LSAMP: variants seen among roughly 807,000 people sequenced by gnomAD.
LSAMP encodes the protein limbic system-associated membrane protein.
A neutral mutation model predicts 38.6 loss-of-function variants in LSAMP; 7 were observed. That is an observed-to-expected ratio of 0.18 (90% confidence interval 0.10 to 0.34). The LOEUF is 0.34. Among genes scored for constraint, LSAMP ranks in the 10% least tolerant of loss-of-function variants. The probability of loss-of-function intolerance (pLI) is 1.00; values close to 1 mark genes in which losing one functional copy is unlikely to be tolerated. For synonymous variants in LSAMP, 154 were observed against 166.8 expected, an observed-to-expected ratio of 0.92 and a Z score of 0.59; for missense variants, 313 against 420.0, an observed-to-expected ratio of 0.75 and a Z score of 2.23.
At chr3:115,872,949 T>C (rs1936085288) in intron 3 of LSAMP, among the ~76,000 whole-genome samples, 1 of 152,172 alleles carries the variant, frequency 6.6e-6, no homozygotes, top group South Asian at 2.1e-4. Flanking sequence ...AACATATGTA[T>C]GAAACATATA....
At chr3:115,927,652 C>T (rs781105924) in intron 3 of LSAMP, among the ~76,000 whole-genome samples, 7 of 152,220 alleles carry the variant, frequency 4.6e-5, no homozygotes, top group Non-Finnish European at 7.3e-5. Flanking sequence ...CACTCTGCTT[C>T]GGCCACATTG....
At chr3:116,260,745 G>T (rs924228323) in intron 1 of LSAMP, among the ~76,000 whole-genome samples, 2 of 152,260 alleles carry the variant, frequency 1.3e-5, no homozygotes, top group African/African-American at 2.4e-5. Context: ...CTCAACCTAC[G>T]TGAGGCTTAG....
chr3:116,225,874 A>G (rs761457955), intron 1 of LSAMP, among the ~76,000 whole-genome samples: 14 of 152,180 alleles, frequency 9.2e-5, no homozygotes, highest in Non-Finnish European at 1.9e-4. Flanking sequence ...TTGCAAATAA[A>G]TAAACAATCT....
At chr3:115,915,803 T>C (rs565908109) in intron 3 of LSAMP, among the ~76,000 whole-genome samples, 1 of 152,212 alleles carries the variant, frequency 6.6e-6, no homozygotes, top group Admixed American at 6.5e-5. Context: ...CGGCTAATTT[T>C]TGTATTTCTA....
At chr3:115,811,980 C>T (rs947018966) in intron 6 of LSAMP, among the ~76,000 whole-genome samples, 14 of 152,132 alleles carry the variant, frequency 9.2e-5, no homozygotes, top group African/African-American at 2.7e-4. Flanking sequence ...AGAGTCTTTG[C>T]CTGTAAGTAC....
intron 3 of LSAMP, among the ~76,000 whole-genome samples, chr3:116,004,375 A>G (rs1315344002): frequency 6.6e-6 from 1 of 151,880 alleles, no homozygotes; most frequent in Admixed American, 6.6e-5. Flanking sequence ...TATCAAGTTC[A>G]TACAAATAAT....
At chr3:116,203,364 C>A (rs545915837) in intron 1 of LSAMP, among the ~76,000 whole-genome samples, 109 of 148,076 alleles carry the variant, frequency 7.4e-4, no homozygotes, top group African/African-American at 2.5e-3. Flanking sequence ...ATTTTTTATA[C>A]GTACATTTTC....
intron 3 of LSAMP, among the ~76,000 whole-genome samples, chr3:115,855,123 A>C (rs1389850199): frequency 6.6e-6 from 1 of 152,160 alleles, no homozygotes; most frequent in Non-Finnish European, 1.5e-5. Context: ...ATACCTAGAA[A>C]TGGTGGATTA....
At chr3:115,903,708 T>C (rs1936938582) in intron 3 of LSAMP, among the ~76,000 whole-genome samples, 1 of 152,154 alleles carries the variant, frequency 6.6e-6, no homozygotes, top group African/African-American at 2.4e-5. Flanking sequence ...CTGATAAAAA[T>C]GTATCTCTAA....
chr3:116,063,826 C>A (rs1041387277), intron 2 of LSAMP, among the ~76,000 whole-genome samples: 5 of 151,984 alleles, frequency 3.3e-5, no homozygotes, highest in East Asian at 1.9e-4. Flanking sequence ...TACAAAAAAA[C>A]CAAATCTTCA....
At chr3:116,434,936 G>A (rs1435861606) in intron 1 of LSAMP, among the ~76,000 whole-genome samples, 1 of 152,170 alleles carries the variant, frequency 6.6e-6, no homozygotes, top group East Asian at 1.9e-4. Context: ...CCTTGCATAG[G>A]TCATCTCAGG....
At chr3:116,094,465 A>T (rs1288188175) in intron 1 of LSAMP, among the ~76,000 whole-genome samples, 1 of 152,204 alleles carries the variant, frequency 6.6e-6, no homozygotes, top group East Asian at 1.9e-4. Context: ...CTCTGGATTC[A>T]TACCAAATTG....
At chr3:116,354,698 A>G (rs1462459416) in intron 1 of LSAMP, among the ~76,000 whole-genome samples, 1 of 152,204 alleles carries the variant, frequency 6.6e-6, no homozygotes, top group Non-Finnish European at 1.5e-5. Flanking sequence ...TCTACTACCT[A>G]TGCATACTCA....
At position 115,903,915 on chromosome 3, in the gene LSAMP, C is replaced by A. The variant is rs1482989267; in HGVS notation, c.515-51298G>T. Among the ~76,000 whole-genome samples, 18 of 152,146 alleles carry A rather than the reference C, an allele frequency of 1.2e-4. 1 individual carries two copies. The highest frequency in any genetic ancestry group is 1.1e-3 in the Admixed American group (17 of 15,264). On this transcript the variant is annotated intron_variant, in intron 3 of 6. Transcript: ENST00000490035. ...GTTTTTAAAAAATAAAGTCTTCCCT[C>A]CAAAATTCTTTTGAAAAACTGTCTT...
At chr3:116,132,924 T>C (rs1283526284) in intron 1 of LSAMP, among the ~76,000 whole-genome samples, 2 of 152,180 alleles carry the variant, frequency 1.3e-5, no homozygotes, top group Non-Finnish European at 2.9e-5. Context: ...CACCATCTCC[T>C]ACACCTCTTC....
chr3:116,136,735 A>C (rs942338610), intron 1 of LSAMP, among the ~76,000 whole-genome samples: 3 of 152,014 alleles, frequency 2.0e-5, no homozygotes, highest in African/African-American at 7.2e-5. Flanking sequence ...TTCTGTGCCT[A>C]CGTATGTGTC....
At chr3:116,193,013 G>C (rs979515519) in intron 1 of LSAMP, among the ~76,000 whole-genome samples, 1 of 152,162 alleles carries the variant, frequency 6.6e-6, no homozygotes, top group African/African-American at 2.4e-5. Context: ...CTCCACGGTA[G>C]ATGAATAGTT....
At chr3:116,128,411 TTG>T (rs1302578662) in intron 1 of LSAMP, among the ~76,000 whole-genome samples, 10 of 152,252 alleles carry the variant, frequency 6.6e-5, no homozygotes, top group East Asian at 1.9e-4. Flanking sequence ...TTCTTAGAAG[TTG>T]GTAGAACAAT....
At chr3:116,161,910 C>A (rs576427118) in intron 1 of LSAMP, among the ~76,000 whole-genome samples, 2 of 151,786 alleles carry the variant, frequency 1.3e-5, no homozygotes, top group East Asian at 1.9e-4. Flanking sequence ...CACATATACA[C>A]GTAGATTCAA....
Sources: gnomAD v4.1 joint callset for allele counts (sites outside exome capture counted in the v4.1 genomes callset) on GRCh38, gnomAD v4.1.1 for gene constraint, MANE v1.5 for transcripts, NCBI Gene and HGNC (gene_info 2026-07-23, HGNC 2026-07-21) for gene names.